The following HCN1 variants were observed in gnomAD, a reference collection of about 807,000 sequenced individuals.
The protein encoded by HCN1 is hyperpolarization activated cyclic nucleotide gated potassium channel 1.
HCN1 carries 13 observed loss-of-function variants against 78.9 expected under a neutral mutation model. That is an observed-to-expected ratio of 0.16 (90% CI 0.11 to 0.26). The LOEUF (loss-of-function observed/expected upper bound fraction) is 0.26. HCN1 is among the 10% of genes least tolerant of loss of function. HCN1 has a pLI of 1.00. For synonymous variants in HCN1, 552 were observed against 455.5 expected, an observed-to-expected ratio of 1.21 and a Z score of -2.70; for missense variants, 810 against 1,154.3, an observed-to-expected ratio of 0.70 and a Z score of 4.32.
At chr5:45,374,765 T>C (rs993819498) in intron 4 of HCN1, among the ~76,000 whole-genome samples, 4 of 88,268 alleles carry the variant, frequency 4.5e-5, no homozygotes, top group Non-Finnish European at 1.0e-4. Context: ...TGCAAAATAC[T>C]ATGAATATAT....
intron 4 of HCN1, among the ~76,000 whole-genome samples, chr5:45,370,536 T>C (rs910358720): frequency 1.3e-5 from 2 of 152,032 alleles, no homozygotes; most frequent in Non-Finnish European, 2.9e-5. Flanking sequence ...ATTGCTACCT[T>C]TATAAATTAA....
chr5:45,678,423 T>A (rs1386040264), intron 1 of HCN1, among the ~76,000 whole-genome samples: 1 of 151,928 alleles, frequency 6.6e-6, no homozygotes, highest in Non-Finnish European at 1.5e-5. Context: ...TATAATAAAC[T>A]CCAATTTATA....
chr5:45,372,234 ATTATATTT>A (rs1747409864), intron 4 of HCN1, among the ~76,000 whole-genome samples: 14 of 74,530 alleles, frequency 1.9e-4, no homozygotes, highest in Admixed American at 1.0e-3. Flanking sequence ...TATAATATAT[ATTATATTT>A]TATATATAAT....
chr5:45,681,518 G>A (rs1739702633), intron 1 of HCN1, among the ~76,000 whole-genome samples: 1 of 151,576 alleles, frequency 6.6e-6, no homozygotes, highest in South Asian at 2.1e-4. Flanking sequence ...GTTTTTCACT[G>A]GAATATTATT....
At chr5:45,372,925 TA>T (rs1433485432) in intron 4 of HCN1, among the ~76,000 whole-genome samples, 1 of 141,530 alleles carries the variant, frequency 7.1e-6, no homozygotes, top group East Asian at 2.1e-4. Context: ...AATATACACG[TA>T]TTTTATACAT....
At chr5:45,322,429 A>C (rs1746143218) in intron 5 of HCN1, among the ~76,000 whole-genome samples, 1 of 151,808 alleles carries the variant, frequency 6.6e-6, no homozygotes, top group African/African-American at 2.4e-5. Context: ...TATAACAACA[A>C]CCCAATGAAA....
intron 1 of HCN1, among the ~76,000 whole-genome samples, chr5:45,665,351 T>C (rs1338215394): frequency 2.0e-5 from 3 of 149,014 alleles, no homozygotes; most frequent in Admixed American, 2.0e-4. Flanking sequence ...TAATGCTAAA[T>C]GACGAGTTAA....
At chr5:45,376,227 A>ATATATTC (rs1561132356) in intron 4 of HCN1, among the ~76,000 whole-genome samples, 1 of 106,528 alleles carries the variant, frequency 9.4e-6, no homozygotes, top group Non-Finnish European at 1.7e-5. Flanking sequence ...ATTATATATA[A>ATATATTC]TATATATTCT....
At chr5:45,504,314 T>C (rs1435924166) in intron 2 of HCN1, among the ~76,000 whole-genome samples, 1 of 152,112 alleles carries the variant, frequency 6.6e-6, no homozygotes, top group Non-Finnish European at 1.5e-5. Flanking sequence ...AGTGTTCTCA[T>C]TGTTCAATTC....
At chr5:45,471,000 A>G (rs1407347644) in intron 2 of HCN1, among the ~76,000 whole-genome samples, 2 of 151,930 alleles carry the variant, frequency 1.3e-5, no homozygotes, top group Non-Finnish European at 2.9e-5. Flanking sequence ...AAGAGTAGGT[A>G]CATGTTTGAC....
chr5:45,680,819 T>C (rs1739688528), intron 1 of HCN1, among the ~76,000 whole-genome samples: 1 of 152,152 alleles, frequency 6.6e-6, no homozygotes, highest in South Asian at 2.1e-4. Flanking sequence ...TCTCTTCATG[T>C]ATTAGGTGAA....
rs562062540 is a variant in HCN1 at position 45,503,832 on chromosome 5, C to A, written c.850-41825G>T. Among the ~76,000 whole-genome samples the A allele has an allele frequency of 1.3e-4, 19 of 150,964 alleles. 1 individual carries two copies. Among genetic ancestry groups the A allele is most frequent in the African/African-American group, 4.6e-4 (19 of 41,060 alleles). On this transcript the variant is annotated intron_variant, in intron 2 of 7. Coordinates refer to ENST00000303230, the MANE Select transcript of HCN1 (RefSeq NM_021072.4). Reference sequence around the variant, plus strand: ...CGGAGTTTCATGCTTGTTGCCCAGGCTGGAATACTATGGTGCCATCTCGGC... The same window carrying A: ...CGGAGTTTCATGCTTGTTGCCCAGGATGGAATACTATGGTGCCATCTCGGC...
chr5:45,328,364 A>G (rs545259146), intron 5 of HCN1, among the ~76,000 whole-genome samples: 1 of 151,462 alleles, frequency 6.6e-6, no homozygotes, highest in Admixed American at 6.6e-5. Context: ...GAGAACTTTC[A>G]CCTTTTCACT....
At chr5:45,651,799 G>A (rs1745681474) in intron 1 of HCN1, among the ~76,000 whole-genome samples, 1 of 151,896 alleles carries the variant, frequency 6.6e-6, no homozygotes, top group South Asian at 2.1e-4. Context: ...ATGCCTTGAT[G>A]TCTCACAAGG....
At chr5:45,453,042 G>A (rs1174645883) in intron 3 of HCN1, among the ~76,000 whole-genome samples, 1 of 151,994 alleles carries the variant, frequency 6.6e-6, no homozygotes, top group East Asian at 1.9e-4. Context: ...AGATGGAATA[G>A]AAAAAGCAAA....
rs1033587046 is a variant in HCN1, at chr5:45,488,185, C to T, written c.850-26178G>A. Among the ~76,000 whole-genome samples the T allele has an allele frequency of 9.2e-5, 14 of 152,156 alleles. No individual in the cohort carries two copies. In the East Asian group the frequency reaches 1.2e-3, roughly 13 times the overall value. ...CTACCTTCTCCCAACACTACCCCAACGACCTGTCCCTACACTTATAATTCT... is the reference window on the plus strand; with the variant it reads ...CTACCTTCTCCCAACACTACCCCAATGACCTGTCCCTACACTTATAATTCT... On this transcript the variant is annotated intron_variant, in intron 2 of 7. Transcript: ENST00000303230.
At chr5:45,615,067 A>AAAAAC (rs573953193) in intron 2 of HCN1, among the ~76,000 whole-genome samples, 1,548 of 152,106 alleles carry the variant, frequency 0.01, 11 homozygotes, top group African/African-American at 0.024. Flanking sequence ...TTTCTGAGCT[A>AAAAAC]AAAACAAAAC....
chr5:45,267,462 T>A (rs558969129), intron 6 of HCN1, among the ~76,000 whole-genome samples: 53 of 149,940 alleles, frequency 3.5e-4, no homozygotes, highest in Middle Eastern at 6.8e-3. Context: ...TTGTTTTGTT[T>A]TAAAAAAAAA....
intron 7 of HCN1, among the ~76,000 whole-genome samples, chr5:45,263,201 T>C (rs1478600048): frequency 6.6e-6 from 1 of 152,196 alleles, no homozygotes; most frequent in East Asian, 1.9e-4. Context: ...AGCGAGAACA[T>C]TTGAACACGT....
Sources: gnomAD v4.1 joint callset for allele counts (sites outside exome capture counted in the v4.1 genomes callset) on GRCh38, gnomAD v4.1.1 for gene constraint, MANE v1.5 for transcripts, NCBI Gene and HGNC (gene_info 2026-07-23, HGNC 2026-07-21) for gene names.